KCNQ5: variants seen among roughly 807,000 people sequenced by gnomAD.
KCNQ5 encodes potassium voltage-gated channel subfamily KQT member 5.
In KCNQ5, 30 loss-of-function variants were observed where a neutral mutation model predicts 98.2. That is an observed-to-expected ratio of 0.31 (90% confidence interval 0.23 to 0.41). The LOEUF is 0.41. Among genes scored for constraint, KCNQ5 ranks in the 10% least tolerant of loss-of-function variants. The pLI, the probability that KCNQ5 is intolerant of heterozygous loss-of-function variation, is 1.00. For missense variants in KCNQ5, 835 were observed against 1,182.5 expected (o/e 0.71, Z 4.31); for synonymous variants, 458 against 449.4 (o/e 1.02, Z -0.24).
chr6:72,717,201 T>C (rs780227728), intron 1 of KCNQ5, among the ~76,000 whole-genome samples: 53 of 152,222 alleles, frequency 3.5e-4, no homozygotes, highest in African/African-American at 8.9e-4. Context: ...GTCTAACACC[T>C]AGTCTTCTTT....
chr6:72,707,240 A>C (rs571628689), intron 1 of KCNQ5, among the ~76,000 whole-genome samples: 10 of 152,346 alleles, frequency 6.6e-5, no homozygotes, highest in African/African-American at 2.4e-4. Flanking sequence ...TGCCTATCCT[A>C]CTAGAGACCA....
At chr6:72,668,100 A>G (rs1219370145) in intron 1 of KCNQ5, among the ~76,000 whole-genome samples, 1 of 152,222 alleles carries the variant, frequency 6.6e-6, no homozygotes, top group Non-Finnish European at 1.5e-5. Context: ...TAAATGTACT[A>G]TGATTATATA....
intron 1 of KCNQ5, among the ~76,000 whole-genome samples, chr6:72,895,940 T>G (rs1779236001): frequency 6.6e-6 from 1 of 151,980 alleles, no homozygotes; most frequent in South Asian, 2.1e-4. Flanking sequence ...CTTTACTAGA[T>G]GGATTGGACA....
intron 1 of KCNQ5, among the ~76,000 whole-genome samples, chr6:72,937,095 G>A (rs1314893601): frequency 6.6e-6 from 1 of 152,216 alleles, no homozygotes; most frequent in African/African-American, 2.4e-5. Flanking sequence ...CATATGAGCT[G>A]AGGATTTAAA....
chr6:72,824,985 G>C (rs1582362870), intron 1 of KCNQ5, among the ~76,000 whole-genome samples: 1 of 151,950 alleles, frequency 6.6e-6, no homozygotes. Context: ...AGAGAAGTGG[G>C]CAGGAGAGAC....
intron 1 of KCNQ5, among the ~76,000 whole-genome samples, chr6:72,901,375 G>A (rs1779500389): frequency 6.6e-6 from 1 of 151,936 alleles, no homozygotes; most frequent in South Asian, 2.1e-4. Flanking sequence ...ATTTATCTCT[G>A]TTTTTATTGC....
At chr6:73,126,559 A>G (rs1428523340) in intron 9 of KCNQ5, among the ~76,000 whole-genome samples, 1 of 152,212 alleles carries the variant, frequency 6.6e-6, no homozygotes, top group South Asian at 2.1e-4. Context: ...GCATATATCT[A>G]CGACATTTAC....
chr6:73,024,104 G>A (rs1435563615), intron 2 of KCNQ5, among the ~76,000 whole-genome samples: 1 of 152,108 alleles, frequency 6.6e-6, no homozygotes, highest in Admixed American at 6.5e-5. Context: ...GCATCAAAGG[G>A]AATGTCTTGC....
intron 1 of KCNQ5, among the ~76,000 whole-genome samples, chr6:72,640,098 A>G (rs187542696): frequency 5.3e-5 from 8 of 152,168 alleles, no homozygotes; most frequent in Non-Finnish European, 1.0e-4. Context: ...TGAGATTGTG[A>G]GAATTTCTCT....
In KCNQ5 at chr6:73,168,691, G is replaced by A. The variant is rs534007360; in HGVS notation, c.1469-1055G>A. Among the ~76,000 whole-genome samples, 22 of 150,442 alleles carry A rather than the reference G, an allele frequency of 1.5e-4. No individual in the cohort carries two copies. The East Asian group carries it at 2.8e-3, about 19-fold the overall frequency. ...CGCACCACTGCACTCCAGCCTGAGC[G>A]ACAAAACAAGACTTTTTCTCAAAAA... On this transcript the variant is annotated intron_variant, in intron 10 of 13. Transcript: ENST00000370398.
At chr6:73,009,952 A>G (rs1769988217) in intron 2 of KCNQ5, among the ~76,000 whole-genome samples, 1 of 152,184 alleles carries the variant, frequency 6.6e-6, no homozygotes, top group East Asian at 1.9e-4. Flanking sequence ...AAACATTTAA[A>G]GAACTAATAT....
At chr6:73,153,982 T>G (rs1728805055) in intron 10 of KCNQ5, among the ~76,000 whole-genome samples, 1 of 88,986 alleles carries the variant, frequency 1.1e-5, no homozygotes, top group Non-Finnish European at 2.1e-5. Context: ...CTGTTCAAAA[T>G]ATTAAAATTA....
intron 2 of KCNQ5, among the ~76,000 whole-genome samples, chr6:73,007,970 A>G (rs535859947): frequency 1.3e-5 from 2 of 152,212 alleles, no homozygotes; most frequent in Non-Finnish European, 2.9e-5. Flanking sequence ...TGAAAGGTGT[A>G]GGGCTAGAGA....
intron 1 of KCNQ5, among the ~76,000 whole-genome samples, chr6:72,922,947 G>A (rs1562070077): frequency 6.6e-6 from 1 of 151,380 alleles, no homozygotes; most frequent in East Asian, 1.9e-4. Flanking sequence ...AAGTAGCTGG[G>A]ATTACAGGCA....
chr6:72,898,883 A>G (rs1320516095), intron 1 of KCNQ5, among the ~76,000 whole-genome samples: 1 of 152,042 alleles, frequency 6.6e-6, no homozygotes, highest in Non-Finnish European at 1.5e-5. Context: ...CTGGTATGAG[A>G]TGGTATCTCA....
At chr6:72,846,337 C>T (rs976080234) in intron 1 of KCNQ5, among the ~76,000 whole-genome samples, 11 of 152,174 alleles carry the variant, frequency 7.2e-5, no homozygotes, top group African/African-American at 2.7e-4. Context: ...TAATAAGCCA[C>T]TGTCTTACAC....
At chr6:72,689,142 T>C (rs1768089203) in intron 1 of KCNQ5, among the ~76,000 whole-genome samples, 1 of 152,326 alleles carries the variant, frequency 6.6e-6, no homozygotes, top group Non-Finnish European at 1.5e-5. Context: ...TTACCAGATA[T>C]AACCCTTTGG....
At chr6:73,028,903 G>A (rs1053984984) in intron 2 of KCNQ5, among the ~76,000 whole-genome samples, 1 of 152,120 alleles carries the variant, frequency 6.6e-6, no homozygotes, top group African/African-American at 2.4e-5. Context: ...CCAAATAAAG[G>A]AGCAGGAGAG....
At chr6:72,667,670 G>A (rs1766893701) in intron 1 of KCNQ5, among the ~76,000 whole-genome samples, 2 of 152,104 alleles carry the variant, frequency 1.3e-5, no homozygotes, top group African/African-American at 4.8e-5. Flanking sequence ...AACAGTAACA[G>A]GATACATGTA....
Sources: gnomAD v4.1 joint callset for allele counts (sites outside exome capture counted in the v4.1 genomes callset) on GRCh38, gnomAD v4.1.1 for gene constraint, MANE v1.5 for transcripts, NCBI Gene and HGNC (gene_info 2026-07-23, HGNC 2026-07-21) for gene names.